The following NFIB variants were observed in gnomAD, a reference collection of about 807,000 sequenced individuals.
NFIB encodes the protein nuclear factor I B, also known as nuclear factor 1 B-type.
NFIB carries 11 observed loss-of-function variants against 61.5 expected under a neutral mutation model. The observed-to-expected ratio is 0.18, with a 90% CI of 0.11 to 0.30. The LOEUF is 0.30. NFIB is among the 10% of genes least tolerant of loss of function. NFIB has a pLI of 1.00. For missense variants in NFIB, 471 were observed against 608.9 expected, an observed-to-expected ratio of 0.77 and a Z score of 2.38; for synonymous variants, 260 against 216.5, an observed-to-expected ratio of 1.20 and a Z score of -1.76.
upstream of NFIB, among the ~76,000 whole-genome samples, chr9:14,314,861 C>T (rs908969252): frequency 6.6e-6 from 1 of 151,844 alleles, no homozygotes; most frequent in Non-Finnish European, 1.5e-5. Context: ...ATACACACCC[C>T]CGAAAACCCG....
chr9:14,392,799 G>T (rs536579852), intron 1 of NFIB, among the ~76,000 whole-genome samples: 1 of 152,204 alleles, frequency 6.6e-6, no homozygotes, highest in South Asian at 2.1e-4. Flanking sequence ...AACTTAAAGC[G>T]TTTAGCACAG....
chr9:14,267,835 G>C (rs7861136), intron 2 of NFIB, among the ~76,000 whole-genome samples: 130,329 of 152,172 alleles, frequency 0.86, 56,823 homozygotes, highest in Non-Finnish European at 0.95. Context: ...GCCTGTTTTA[G>C]GTTCTAAATA....
At chr9:14,295,744 G>A (rs1340014706) in intron 2 of NFIB, among the ~76,000 whole-genome samples, 1 of 152,146 alleles carries the variant, frequency 6.6e-6, no homozygotes, top group African/African-American at 2.4e-5. Flanking sequence ...CCAAATGGTG[G>A]CAATTTAATT....
intron 1 of NFIB, among the ~76,000 whole-genome samples, chr9:14,347,071 C>G (rs953223709): frequency 6.6e-6 from 1 of 151,256 alleles, no homozygotes; most frequent in Non-Finnish European, 1.5e-5. Flanking sequence ...ACCCGCCCGG[C>G]GCGAAGGGTG....
chr9:14,143,986 GAC>G (rs2042016627), intron 6 of NFIB, among the ~76,000 whole-genome samples: 1 of 139,648 alleles, frequency 7.2e-6, no homozygotes, highest in African/African-American at 2.7e-5. Flanking sequence ...GAATTAAAGT[GAC>G]AGAGTGTGTG....
the NFIB span, among the ~76,000 whole-genome samples, chr9:14,511,447 T>C: frequency 6.6e-6 from 1 of 152,210 alleles, no homozygotes; most frequent in African/African-American, 2.4e-5. Flanking sequence ...ATAATCATAA[T>C]GGCAACTATT....
chr9:14,125,498 A>G (rs1280740925), intron 7 of NFIB, 134 bp downstream of exon 7: 3 of 1,241,894 alleles, frequency 2.4e-6, no homozygotes, highest in Non-Finnish European at 3.3e-6. Flanking sequence ...ACTTGATCGG[A>G]TTGTGCCCCT....
chr9:14,530,551 G>T, the NFIB span, among the ~76,000 whole-genome samples: 1 of 152,134 alleles, frequency 6.6e-6, no homozygotes, highest in African/African-American at 2.4e-5. Flanking sequence ...ACGAGAAAGG[G>T]TGCAGAGAAG....
At chr9:14,344,301 G>C (rs557886016) in intron 1 of NFIB, among the ~76,000 whole-genome samples, 5 of 151,904 alleles carry the variant, frequency 3.3e-5, no homozygotes, top group Non-Finnish European at 7.4e-5. Flanking sequence ...TGCGAGAGTG[G>C]GGTGAGAGAG....
intron 1 of NFIB, among the ~76,000 whole-genome samples, chr9:14,334,577 G>T (rs188401130): frequency 6.6e-6 from 1 of 151,868 alleles, no homozygotes; most frequent in African/African-American, 2.4e-5. Context: ...TACTCTACAC[G>T]TGAGTCCTTT....
chr9:14,409,434 G>A, the NFIB span, among the ~76,000 whole-genome samples: 1 of 152,110 alleles, frequency 6.6e-6, no homozygotes, highest in African/African-American at 2.4e-5. Context: ...CACACGGCTG[G>A]ATTGCAGTTC....
In NFIB at chr9:14,083,664, C is replaced by T. The variant is rs2032394506; in HGVS notation, c.*4645G>A. On this transcript the variant is annotated 3_prime_UTR_variant, in exon 11 of 11. Coordinates refer to ENST00000380953, the MANE Select transcript of NFIB (RefSeq NM_001190737.2). ...TTTCATTAAAAATGAATACTGTACA[C>T]TGAATATGGGATAACTTTCTGCAGC... 2 of 225,024 alleles carry T rather than the reference C, an allele frequency of 8.9e-6. No homozygotes were observed. Among genetic ancestry groups the T allele is most frequent in the Admixed American group, 5.7e-5 (1 of 17,516 alleles). 13.9% of individuals were successfully genotyped at this position (225,024 alleles called of 1,614,324 possible).
intron 6 of NFIB, among the ~76,000 whole-genome samples, chr9:14,137,868 AAG>A (rs2041244668): frequency 6.6e-6 from 1 of 152,168 alleles, no homozygotes; most frequent in South Asian, 2.1e-4. Flanking sequence ...ATTTCAGAGC[AAG>A]GACTACATGC....
Position 14,310,135 on chromosome 9 carries a change from T to G in NFIB, c.31-2615A>C, listed in dbSNP as rs536358637. On this transcript the variant is annotated intron_variant, in intron 1 of 10. Coordinates refer to ENST00000380953, the MANE Select transcript of NFIB (RefSeq NM_001190737.2). ...AAGCTCAAAATTTTAATGAGTTATT[T>G]TAAACAACCAAAATTCAAATTTGAA... is the stretch of plus-strand genomic sequence containing the variant. 5.9e-4 allele frequency among the ~76,000 whole-genome samples: 90 copies of G among 152,340 alleles called. 1 individual carries two copies. The highest frequency in any genetic ancestry group is 1.3e-3 in the Non-Finnish European group (90 of 68,018).
intron 3 of NFIB, among the ~76,000 whole-genome samples, chr9:14,157,846 T>C (rs751402177): frequency 2.0e-5 from 3 of 152,002 alleles, no homozygotes; most frequent in Non-Finnish European, 4.4e-5. Context: ...AGTAAATATA[T>C]TAAGTACAAA....
At chr9:14,262,302 T>A (rs2056832087) in intron 2 of NFIB, among the ~76,000 whole-genome samples, 3 of 152,210 alleles carry the variant, frequency 2.0e-5, no homozygotes, top group Admixed American at 2.0e-4. Flanking sequence ...AGAGATACCA[T>A]CAAACCTCTA....
intron 8 of NFIB, 72 bp from the exon 9 acceptor site, chr9:14,116,418 G>A: frequency 7.2e-7 from 1 of 1,393,970 alleles, no homozygotes; most frequent in Admixed American, 2.8e-5. Flanking sequence ...AGTCCACTCA[G>A]CACACACGAC....
chr9:14,257,788 A>G (rs2056371920), intron 2 of NFIB, among the ~76,000 whole-genome samples: 1 of 152,118 alleles, frequency 6.6e-6, no homozygotes, highest in Non-Finnish European at 1.5e-5. Context: ...AAGAAACATA[A>G]TTCTAAGACT....
chr9:14,293,471 TA>T (rs1247473290), intron 2 of NFIB, among the ~76,000 whole-genome samples: 2 of 152,160 alleles, frequency 1.3e-5, no homozygotes, highest in Non-Finnish European at 2.9e-5. Context: ...TCAACAATAA[TA>T]AAGAAGCCCA....
Sources: allele counts gnomAD v4.1 joint callset (sites outside exome capture counted in the v4.1 genomes callset), GRCh38; gene constraint gnomAD v4.1.1; transcripts MANE v1.5; gene names NCBI Gene and HGNC (gene_info 2026-07-23, HGNC 2026-07-21).